CREB5: variants seen among roughly 807,000 people sequenced by gnomAD.
CREB5 encodes the protein cAMP responsive element binding protein 5, also known as cyclic AMP-responsive element-binding protein 5.
Under a neutral mutation model 57.1 loss-of-function variants are expected in CREB5, and 19 were observed. That is an observed-to-expected ratio of 0.33 (90% CI 0.23 to 0.49). The LOEUF (loss-of-function observed/expected upper bound fraction) is 0.49. Ranked by LOEUF, CREB5 falls within the 20% of genes least tolerant of loss-of-function variation. The pLI is 0.99. For missense variants in CREB5, 579 were observed against 671.6 expected (o/e 0.86, Z 1.52); for synonymous variants, 238 against 238.3 (o/e 1.00, Z 0.01).
chr7:28,592,607 A>G (rs1796560635), intron 5 of CREB5, among the ~76,000 whole-genome samples: 1 of 152,198 alleles, frequency 6.6e-6, no homozygotes, highest in African/African-American at 2.4e-5. Flanking sequence ...GAGGCGCAGC[A>G]CTAAGTTTGC....
rs1042597830 is a variant in CREB5 at position 28,822,401 on chromosome 7, C to T, written c.*3122C>T. 6.6e-6 allele frequency: 1 copy of T among 152,656 alleles called. No homozygotes were observed. Among genetic ancestry groups the T allele is most frequent in the Non-Finnish European group, 1.5e-5 (1 of 68,056 alleles). The allele number at this position is 152,656 out of a possible 1,614,324, so 9.5% of individuals were successfully genotyped here. A position where few individuals can be genotyped will look rare whatever the true frequency, so the allele number is the denominator to read the frequency against. On this transcript the variant is annotated 3_prime_UTR_variant, in exon 11 of 11. Coordinates refer to ENST00000357727, the MANE Select transcript of CREB5 (RefSeq NM_182898.4). ...GAAAATCCCTCCTCCTTGTCCTACA[C>T]TTTTTGCCTGTTTGGGAGAATATCT...
At position 28,657,738 on chromosome 7, in the gene CREB5, A is replaced by T. The variant is rs113175030; in HGVS notation, c.465-61015A>T. 1.5e-3 allele frequency among the ~76,000 whole-genome samples: 206 copies of T among 139,856 alleles called. 4 individuals are homozygous for T. Among genetic ancestry groups the T allele is most frequent in the African/African-American group, 3.5e-3 (135 of 38,328 alleles). The allele number at this position is 139,856 out of a possible 152,430, so 91.8% of individuals were successfully genotyped here. ...TCTCGAAAAAAAAAAAAAAAAAAAAAGAATAAAATTGCTCCAAAGCACTAT... is the reference window on the plus strand; with the variant it reads ...TCTCGAAAAAAAAAAAAAAAAAAAATGAATAAAATTGCTCCAAAGCACTAT... On this transcript the variant is annotated intron_variant, in intron 5 of 10. Transcript: ENST00000357727.
intron 1 of CREB5, among the ~76,000 whole-genome samples, chr7:28,312,690 A>C (rs1364058698): frequency 3.9e-5 from 6 of 152,322 alleles, no homozygotes; most frequent in Admixed American, 3.9e-4. Context: ...TTAACGTGAA[A>C]GTGCCTGGTA....
chr7:28,494,674 G>A (rs1352712327), intron 2 of CREB5, among the ~76,000 whole-genome samples: 1 of 151,990 alleles, frequency 6.6e-6, no homozygotes, highest in Non-Finnish European at 1.5e-5. Flanking sequence ...AAATTAGAAT[G>A]CATATATTTG....
intron 4 of CREB5, among the ~76,000 whole-genome samples, chr7:28,535,335 G>A (rs1793908952): frequency 1.5e-5 from 2 of 137,902 alleles, no homozygotes; most frequent in Admixed American, 7.3e-5. Flanking sequence ...GGGAGGGAAG[G>A]AAAGAAGGAG....
intron 5 of CREB5, among the ~76,000 whole-genome samples, chr7:28,654,484 T>C (rs1178531629): frequency 6.6e-6 from 1 of 152,140 alleles, no homozygotes; most frequent in Non-Finnish European, 1.5e-5. Flanking sequence ...CTCTAGAGCA[T>C]GCCAACATCA....
At chr7:28,433,623 C>T (rs368068360) in intron 1 of CREB5, among the ~76,000 whole-genome samples, 5 of 152,242 alleles carry the variant, frequency 3.3e-5, no homozygotes, top group East Asian at 1.9e-4. Flanking sequence ...AGGCATGTGC[C>T]GCCACACCCG....
intron 4 of CREB5, among the ~76,000 whole-genome samples, chr7:28,509,069 A>C (rs1562764463): frequency 6.6e-6 from 1 of 152,180 alleles, no homozygotes; most frequent in Non-Finnish European, 1.5e-5. Flanking sequence ...TTGAGTAATA[A>C]ATTTTTTTTT....
At chr7:28,522,552 T>G (rs369381522) in intron 4 of CREB5, among the ~76,000 whole-genome samples, 15 of 151,978 alleles carry the variant, frequency 9.9e-5, no homozygotes, top group Non-Finnish European at 1.9e-4. Context: ...TGTGCCACCA[T>G]GCCCGGCTAA....
intron 1 of CREB5, among the ~76,000 whole-genome samples, chr7:28,487,301 G>T (rs1000407748): frequency 1.3e-5 from 2 of 152,078 alleles, no homozygotes; most frequent in African/African-American, 4.8e-5. Context: ...TTACATTATC[G>T]ATCCAACATT....
intron 5 of CREB5, among the ~76,000 whole-genome samples, chr7:28,648,703 C>T (rs1467616833): frequency 1.3e-5 from 2 of 152,002 alleles, no homozygotes; most frequent in Non-Finnish European, 2.9e-5. Flanking sequence ...GATCATGCTA[C>T]TGCACTCCAG....
intron 5 of CREB5, among the ~76,000 whole-genome samples, chr7:28,617,742 G>A (rs1797644249): frequency 6.6e-6 from 1 of 152,162 alleles, no homozygotes; most frequent in African/African-American, 2.4e-5. Context: ...GAATAATAGA[G>A]GGGGAAAAAG....
At chr7:28,446,531 A>G (rs1050060390) in intron 1 of CREB5, among the ~76,000 whole-genome samples, 18 of 152,002 alleles carry the variant, frequency 1.2e-4, no homozygotes, top group African/African-American at 4.1e-4. Flanking sequence ...GGTGGCTCAC[A>G]CCTGTAATCC....
intron 1 of CREB5, among the ~76,000 whole-genome samples, chr7:28,478,717 T>C (rs932091662): frequency 1.3e-5 from 2 of 152,210 alleles, no homozygotes; most frequent in Non-Finnish European, 2.9e-5. Context: ...CTCTTTCTTT[T>C]GCTACTGTTG....
chr7:28,560,911 T>TGCGCGTGTGCGCGC (rs1174704522), intron 4 of CREB5, among the ~76,000 whole-genome samples: 1 of 36,056 alleles, frequency 2.8e-5, no homozygotes. Context: ...CGCGCGTGCG[T>TGCGCGTGTGCGCGC]GTGCGTGTGT....
At chr7:28,572,597 C>T (rs909500364) in intron 5 of CREB5, among the ~76,000 whole-genome samples, 2 of 152,108 alleles carry the variant, frequency 1.3e-5, no homozygotes, top group Non-Finnish European at 2.9e-5. Flanking sequence ...CTGGAGTTCT[C>T]CTGCCTCCCT....
At chr7:28,479,975 A>G (rs1170732782) in intron 1 of CREB5, among the ~76,000 whole-genome samples, 2 of 151,976 alleles carry the variant, frequency 1.3e-5, no homozygotes, top group Non-Finnish European at 2.9e-5. Flanking sequence ...GACCAAATGT[A>G]TATTGTTGCT....
At chr7:28,698,448 A>G (rs1801687047) in intron 5 of CREB5, among the ~76,000 whole-genome samples, 1 of 152,088 alleles carries the variant, frequency 6.6e-6, no homozygotes, top group Non-Finnish European at 1.5e-5. Flanking sequence ...CCCACGACTC[A>G]AAAATACATG....
chr7:28,546,492 G>A (rs140077224), intron 4 of CREB5, among the ~76,000 whole-genome samples: 60 of 152,180 alleles, frequency 3.9e-4, no homozygotes, highest in Middle Eastern at 3.4e-3. Flanking sequence ...TCAAAATGGC[G>A]GCACCATTTT....
Sources: allele counts gnomAD v4.1 joint callset (sites outside exome capture counted in the v4.1 genomes callset), GRCh38; gene constraint gnomAD v4.1.1; transcripts MANE v1.5; gene names NCBI Gene and HGNC (gene_info 2026-07-23, HGNC 2026-07-21).